Variants in IQCC observed in about 807,000 individuals in gnomAD.
IQCC encodes IQ motif containing C.
IQCC carries 23 observed loss-of-function variants against 27.0 expected under a neutral mutation model. The ratio of observed to expected loss-of-function variants is 0.85; its 90% CI spans 0.61 to 1.21. The LOEUF is 1.21. Among genes scored for constraint, IQCC ranks in the 50% most tolerant of loss-of-function variants. The pLI, the probability that IQCC is intolerant of heterozygous loss-of-function variation, is 0.00. For missense variants in IQCC, 552 were observed against 562.3 expected (o/e 0.98, Z 0.19); for synonymous variants, 220 against 217.2 (o/e 1.01, Z -0.11).
In IQCC at chr1:32,207,307, T is replaced by G. The variant is rs3903683; in HGVS notation, c.626T>G (p.Phe209Cys). The part of the protein sequence containing the change: ...AGPIREEPRV[F>C]LEHGEQACER... ...CCGATCAGAGAGGAACCCCGCGTGT[T>G]CCTAGAACATGGGGAACAGGCCTGT... is the stretch of plus-strand genomic sequence containing the variant. Residue 209 changes from phenylalanine (F) to cysteine (C), a missense_variant, in exon 5 of 5, where the codon TTC becomes TGC. Physicochemically the swap from Phe to Cys is radical, Grantham distance 205. Transcript: ENST00000291358. The G allele has an allele frequency of 0.093, 150,832 of 1,613,622 alleles. 10,877 individuals are homozygous for G. The highest frequency in any genetic ancestry group is 0.29 in the African/African-American group (21,525 of 74,824).
At position 32,207,795 on chromosome 1, in the gene IQCC, C is replaced by G; in HGVS notation, c.1114C>G (p.Gln372Glu). 1.2e-6 allele frequency: 2 copies of G among 1,614,020 alleles called. No homozygotes were observed. The highest frequency in any genetic ancestry group is 1.7e-6 in the Non-Finnish European group (2 of 1,180,006). Residue 372 changes from glutamine to glutamate, a missense_variant, in exon 5 of 5, where the codon CAA becomes GAA. By Grantham distance (29) the Gln-to-Glu change is conservative (BLOSUM62 2). Transcript: ENST00000291358. ...GCCTGACTGCCGAACAGTCAGGACACAAGAGTTGGGCCTCTCAGAGGACCA... is the reference window on the plus strand; with the variant it reads ...GCCTGACTGCCGAACAGTCAGGACAGAAGAGTTGGGCCTCTCAGAGGACCA... ...KEPDCRTVRT[Q>E]ELGLSEDHII...
At position 32,206,975 on chromosome 1, in the gene IQCC, C is replaced by A; in HGVS notation, c.440-27C>A. ...CCAGGGTCTGGTCCCTCAAGGTTTT[C>A]TCCTTCCTTTCTTCCCTCCTTCACA... On this transcript the variant is annotated intron_variant, in intron 3 of 4. Coordinates refer to ENST00000291358, the MANE Select transcript of IQCC (RefSeq NM_018134.3). 4 of 1,563,636 alleles carry A rather than the reference C, an allele frequency of 2.6e-6. No homozygotes were observed. In the South Asian group the frequency reaches 3.4e-5, roughly 13 times the overall value.
rs760688674 is a variant in IQCC, at chr1:32,205,879, C to T, written c.42+156C>T. 6.4e-7 allele frequency: 1 copy of T among 1,551,924 alleles called. No homozygotes were observed. Among genetic ancestry groups the T allele is most frequent in the African/African-American group, 1.4e-5 (1 of 73,130 alleles). The stretch of plus-strand genomic sequence containing the variant: ...CTGTCCCCAACCGCGCTGAGGAAAG[C>T]TGGGACCCACGGACTCCCTGCCCTG... On this transcript the variant is annotated intron_variant, in intron 1 of 4. Coordinates refer to ENST00000291358, the MANE Select transcript of IQCC (RefSeq NM_018134.3). The surrounding 1 kb of genome is among the most constrained non-coding windows in gnomAD (Gnocchi z 5.6).
intron 3 of IQCC, 70 bp downstream of exon 3, chr1:32,206,831 A>G: frequency 1.3e-6 from 2 of 1,563,470 alleles, no homozygotes; most frequent in African/African-American, 2.7e-5. Flanking sequence ...CTGAAGAGTG[A>G]AAGGCTTGCG....
Position 32,205,792 on chromosome 1 carries a change from C to T in IQCC, c.42+69C>T, listed in dbSNP as rs1328967943. 1 of 1,589,904 alleles carries T rather than the reference C, an allele frequency of 6.3e-7. No homozygotes were observed. The highest frequency in any genetic ancestry group is 8.6e-7 in the Non-Finnish European group (1 of 1,169,386). On this transcript the variant is annotated intron_variant, in intron 1 of 4. Transcript: ENST00000291358. The surrounding 1 kb of genome is among the most constrained non-coding windows in gnomAD (Gnocchi z 5.6). ...AAATCATGGGGTCTCGTACCTGGAC[C>T]TCCCAGCGAGATGCTACCACGTTCA...
At chr1:32,206,446 C>T in intron 2 of IQCC, 63 bp from the exon 3 acceptor site, 1 of 1,607,572 alleles carries the variant, frequency 6.2e-7, no homozygotes, top group Non-Finnish European at 8.5e-7. Flanking sequence ...TCTGCTAGAT[C>T]ATGGTGCCCA....
Position 32,206,228 on chromosome 1 carries a change from G to A in IQCC, c.117G>A (p.Glu39=), listed in dbSNP as rs375053330. The A allele has an allele frequency of 5.2e-5, 84 of 1,614,106 alleles. No individual in the cohort carries two copies. The highest frequency in any genetic ancestry group is 7.0e-5 in the Non-Finnish European group (83 of 1,180,056). Residue 39 remains glutamate, a synonymous_variant, in exon 2 of 5, where the codon GAG becomes GAA. Transcript: ENST00000291358. The part of the protein sequence containing the change: ...LRAEYEAIVR[E]VEGDLGTLQW... Reference sequence around the variant, plus strand: ...CTGAGTATGAGGCGATTGTACGAGAGGTCGAGGGCGACCTGGGCACGCTTC... The same window carrying A: ...CTGAGTATGAGGCGATTGTACGAGAAGTCGAGGGCGACCTGGGCACGCTTC...
In IQCC at chr1:32,206,568, G is replaced by A; in HGVS notation, c.246G>A (p.Gly82=). Residue 82 remains glycine (G), a synonymous_variant, in exon 3 of 5, where the codon GGG becomes GGA. Coordinates refer to ENST00000291358, the MANE Select transcript of IQCC (RefSeq NM_018134.3). ...ACAGGGTAGCAAATCCAGAGCAGGG[G>A]CTGTGGAACCACTTCCCATGTGAAG... is the stretch of plus-strand genomic sequence containing the variant. ...AGDRVANPEQ[G]LWNHFPCEES... 4.3e-6 allele frequency: 7 copies of A among 1,614,208 alleles called. No individual in the cohort carries two copies. Among genetic ancestry groups the A allele is most frequent in the Non-Finnish European group, 5.9e-6 (7 of 1,180,030 alleles).
rs761451976 is a variant in IQCC at position 32,205,712 on chromosome 1, T to C, written c.31T>C (p.Ser11Pro). The C allele has an allele frequency of 2.5e-6, 4 of 1,611,448 alleles. No individual in the cohort carries two copies. Among genetic ancestry groups the C allele is most frequent in the East Asian group, 2.2e-5 (1 of 44,840 alleles). ...GCCAGAGCTGCTGGTTCGGAAGGTG[T>C]CTGCATTGCAGGTGCGGGGGCGGGC... MEPELLVRKVSALQACVRGFL... is the reference protein window; with the variant it reads MEPELLVRKVPALQACVRGFL... The change falls in exon 1 of 5, where the codon TCT becomes CCT. Residue 11 changes from serine to proline, a missense_variant. Physicochemically the swap from Ser to Pro is moderately conservative, Grantham distance 74 (BLOSUM62 -1). Transcript: ENST00000291358. The surrounding 1 kb of genome is among the most constrained non-coding windows in gnomAD (Gnocchi z 5.6).
chr1:32,206,785 C>T (rs747279538), intron 3 of IQCC, 24 bp downstream of exon 3: 20 of 1,610,910 alleles, frequency 1.2e-5, no homozygotes, highest in Non-Finnish European at 1.7e-5. Context: ...AAGATCAGGG[C>T]AAGCCCCTGA....
chr1:32,206,045 G>A (rs1643321967), intron 1 of IQCC, 109 bp from the exon 2 acceptor site: 2 of 1,599,074 alleles, frequency 1.3e-6, no homozygotes, highest in South Asian at 1.1e-5. Flanking sequence ...TTTCCCCGCC[G>A]TCAGGTCCCC....
At position 32,206,160 on chromosome 1, in the gene IQCC, G is replaced by C. The variant is rs766875771; in HGVS notation, c.49G>C (p.Val17Leu). The C allele has an allele frequency of 6.2e-7, 1 of 1,613,686 alleles. No individual in the cohort carries two copies. The highest frequency in any genetic ancestry group is 8.5e-7 in the Non-Finnish European group (1 of 1,179,652). Residue 17 changes from valine to leucine, a missense_variant, in exon 2 of 5, where the codon GTC becomes CTC. Transcript: ENST00000291358. The stretch of plus-strand genomic sequence containing the variant: ...CTCTCGTTCTCCATACCAGGCCTGC[G>C]TCCGGGGCTTCTTGGTCCGACGCCA... ...VRKVSALQAC[V>L]RGFLVRRQFQ...
Position 32,206,017 on chromosome 1 carries a change from C to T in IQCC, c.43-137C>T, listed in dbSNP as rs1221677663. On this transcript the variant is annotated intron_variant, in intron 1 of 4. Transcript: ENST00000291358. Reference sequence around the variant, plus strand: ...TCCCTCGAGCCCCCCGGAGCCCTAGCGCACAGCCCACCTATCCTTTCCCCG... The same window carrying T: ...TCCCTCGAGCCCCCCGGAGCCCTAGTGCACAGCCCACCTATCCTTTCCCCG... 3 of 1,594,464 alleles carry T rather than the reference C, an allele frequency of 1.9e-6. No individual in the cohort carries two copies. The Admixed American group carries it at 5.2e-5, about 28-fold the overall frequency.
rs368769892 is a variant in IQCC, at chr1:32,207,843, G to A, written c.1162G>A (p.Gly388Arg). The change falls in exon 5 of 5, where the codon GGG (glycine) becomes AGG (arginine). Residue 388 changes from glycine to arginine, a missense_variant. Physicochemically the swap from Gly to Arg is moderately radical, Grantham distance 125. Coordinates refer to ENST00000291358, the MANE Select transcript of IQCC (RefSeq NM_018134.3). ...CCACATCATCTGGGATGGTACCTTG[G>A]GGGGGCCAGAGCATAGTGTCCTCGA... Reference protein sequence around the residue: ...EDHIIWDGTLGGPEHSVLDLW... With the variant: ...EDHIIWDGTLRGPEHSVLDLW... The A allele has an allele frequency of 5.0e-6, 8 of 1,614,070 alleles. No individual in the cohort carries two copies. In the South Asian group the frequency reaches 5.5e-5, roughly 11 times the overall value.
Position 32,208,575 on chromosome 1 carries a change from G to C in IQCC, c.*493G>C, listed in dbSNP as rs1261055877. 5.9e-6 allele frequency: 1 copy of C among 170,888 alleles called. No individual in the cohort carries two copies. Among genetic ancestry groups the C allele is most frequent in the African/African-American group, 2.4e-5 (1 of 41,844 alleles). The allele number at this position is 170,888 out of a possible 1,614,324, so 10.6% of individuals were successfully genotyped here. On this transcript the variant is annotated 3_prime_UTR_variant, in exon 5 of 5. Transcript: ENST00000291358. ...GCCAAGATGATGCCACTGCACTCCA[G>C]CCTGGGCTACAGAGCGAGACACGGT...
chr1:32,205,955 A>T lies in IQCC; in HGVS notation c.43-199A>T. The T allele has an allele frequency of 6.4e-7, 1 of 1,552,778 alleles. No individual in the cohort carries two copies. Among genetic ancestry groups the T allele is most frequent in the East Asian group, 2.4e-5 (1 of 40,986 alleles). On this transcript the variant is annotated intron_variant, in intron 1 of 4. Transcript: ENST00000291358. The surrounding 1 kb of genome is among the most constrained non-coding windows in gnomAD (Gnocchi z 5.6). ...CGCGCCGGATCAGGGAAACGGGAAG[A>T]GCCTTAAGGCGAGGAGGGGCATCCA...
Position 32,208,054 on chromosome 1 carries a change from G to C in IQCC, c.1373G>C (p.Arg458Thr), listed in dbSNP as rs1643432311. 1 of 1,612,584 alleles carries C rather than the reference G, an allele frequency of 6.2e-7. No individual in the cohort carries two copies. The highest frequency in any genetic ancestry group is 8.5e-7 in the Non-Finnish European group (1 of 1,179,226). Reference protein sequence around the residue: ...GCTGEEQWRGRPWKTEPPG With the variant: ...GCTGEEQWRGTPWKTEPPG ...ACAGGAGAGGAACAGTGGAGGGGCA[G>C]GCCATGGAAAACAGAACCACCTGGC... The change falls in exon 5 of 5, where the codon AGG (arginine) becomes ACG (threonine). Residue 458 changes from arginine (R) to threonine (T), a missense_variant. Coordinates refer to ENST00000291358, the MANE Select transcript of IQCC (RefSeq NM_018134.3).
chr1:32,207,299 C>G lies in IQCC; in HGVS notation c.618C>G (p.Pro206=). 1 of 1,613,996 alleles carries G rather than the reference C, an allele frequency of 6.2e-7. No individual in the cohort carries two copies. Among genetic ancestry groups the G allele is most frequent in the Non-Finnish European group, 8.5e-7 (1 of 1,179,980 alleles). ...SPEAGPIREE[P]RVFLEHGEQA... is the part of the protein sequence containing the mutation. ...AGGCGGGCCCGATCAGAGAGGAACC[C>G]CGCGTGTTCCTAGAACATGGGGAAC... Residue 206 remains proline (P), a synonymous_variant, in exon 5 of 5, where the codon CCC becomes CCG. Transcript: ENST00000291358.
At position 32,205,703 on chromosome 1, in the gene IQCC, C is replaced by A. The variant is rs771331321; in HGVS notation, c.22C>A (p.Arg8=). Residue 8 remains arginine (R), a synonymous_variant, in exon 1 of 5, where the codon CGG becomes AGG. Transcript: ENST00000291358. This position sits in a 1 kb window ranked among gnomAD's most constrained non-coding sequence, Gnocchi z 5.6. ...GCCCATGGAGCCAGAGCTGCTGGTT[C>A]GGAAGGTGTCTGCATTGCAGGTGCG... MEPELLV[R]KVSALQACVR... 8 of 1,608,980 alleles carry A rather than the reference C, an allele frequency of 5.0e-6. No homozygotes were observed. In the East Asian group the frequency reaches 1.6e-4, roughly 31 times the overall value.
Sources: gnomAD v4.1 joint callset for allele counts on GRCh38, gnomAD v4.1.1 for gene constraint, Gnocchi (gnomAD v3.1) non-coding constraint, MANE v1.5 for transcripts, NCBI Gene and HGNC (gene_info 2026-07-23, HGNC 2026-07-21) for gene names.